Variants in CHD2 observed in about 807,000 individuals in gnomAD.
The protein encoded by CHD2 is ATP-dependent chromatin remodeler CHD2.
CHD2 carries 28 observed loss-of-function variants against 243.9 expected under a neutral mutation model. The observed-to-expected ratio is 0.11, with a 90% CI of 0.09 to 0.16. CHD2 has a LOEUF of 0.16. CHD2 is among the 10% of genes least tolerant of loss of function. The pLI, the probability that CHD2 is intolerant of heterozygous loss-of-function variation, is 1.00. For missense variants in CHD2, 1,386 were observed against 2,209.8 expected (o/e 0.63, Z 7.47); for synonymous variants, 775 against 779.0 (o/e 0.99, Z 0.09).
At chr15:92,940,852 AT>A (rs2053356154) in intron 7 of CHD2, among the ~76,000 whole-genome samples, 2 of 106,608 alleles carry the variant, frequency 1.9e-5, no homozygotes, top group South Asian at 7.3e-4. Context: ...ATATATATAA[AT>A]ATATAAATAT....
intron 7 of CHD2, 78 bp downstream of exon 7, chr15:92,939,796 G>T: frequency 6.8e-7 from 1 of 1,471,066 alleles, no homozygotes. Flanking sequence ...CATAAGTCCG[G>T]GGTTGTGCAC....
rs78905860 is a variant in CHD2 at position 93,019,135 on chromosome 15, T to C, written c.4907-877T>C. On this transcript the variant is annotated intron_variant, in intron 37 of 38. Coordinates refer to ENST00000394196, the MANE Select transcript of CHD2 (RefSeq NM_001271.4). ...AGCTCAAAGTTAGAGAAATTACTTT[T>C]TTATAGGAGGAGGTCCATTTTTGTG... Among the ~76,000 whole-genome samples the C allele has an allele frequency of 6.1e-3, 932 of 152,292 alleles. 10 individuals carry two copies. Among genetic ancestry groups the C allele is most frequent in the African/African-American group, 0.022 (895 of 41,538 alleles).
At chr15:92,941,364 A>G (rs2053380243) in intron 7 of CHD2, among the ~76,000 whole-genome samples, 1 of 152,086 alleles carries the variant, frequency 6.6e-6, no homozygotes, top group Non-Finnish European at 1.5e-5. Context: ...CTTAAATTTC[A>G]TATTCTTATT....
intron 21 of CHD2, 52 bp from the exon 22 acceptor site, chr15:92,979,083 G>T: frequency 3.8e-6 from 6 of 1,577,984 alleles, no homozygotes; most frequent in Non-Finnish European, 5.1e-6. Flanking sequence ...TCTTTTTTTG[G>T]GGGGGTTGGG....
At chr15:92,994,900 T>C (rs547678079) in intron 28 of CHD2, among the ~76,000 whole-genome samples, 3 of 152,338 alleles carry the variant, frequency 2.0e-5, no homozygotes, top group Admixed American at 2.0e-4. Context: ...CTCACACCTG[T>C]ATTTCCTGTA....
chr15:93,010,171 T>C (rs1486640319), intron 35 of CHD2, among the ~76,000 whole-genome samples: 1 of 152,268 alleles, frequency 6.6e-6, no homozygotes, highest in Non-Finnish European at 1.5e-5. Context: ...TTCCTTTTTA[T>C]GGCTGAGTAG....
chr15:92,965,024 T>C (rs950880934), intron 16 of CHD2, among the ~76,000 whole-genome samples: 4 of 152,208 alleles, frequency 2.6e-5, no homozygotes, highest in Non-Finnish European at 5.9e-5. Flanking sequence ...TTGGTCCTTA[T>C]TAAAGTAACC....
At chr15:92,999,393 C>G (rs1456375720) in intron 31 of CHD2, among the ~76,000 whole-genome samples, 1 of 152,180 alleles carries the variant, frequency 6.6e-6, no homozygotes, top group Admixed American at 6.5e-5. Flanking sequence ...GAAACTAGAC[C>G]TTACTTGCTG....
chr15:92,939,447 A>T, intron 6 of CHD2, 131 bp from the exon 7 acceptor site: 2 of 946,708 alleles, frequency 2.1e-6, no homozygotes. Context: ...AAGAATATGC[A>T]TGTTTAACAT....
At position 92,900,723 on chromosome 15, in the gene CHD2, G is replaced by T; in HGVS notation, c.-173G>T. 2.5e-6 allele frequency: 1 copy of T among 396,942 alleles called. No homozygotes were observed. The highest frequency in any genetic ancestry group is 6.3e-4 in the Middle Eastern group (1 of 1,588). 24.6% of individuals were successfully genotyped at this position (396,942 alleles called of 1,614,324 possible). A position where few individuals can be genotyped will look rare whatever the true frequency, so the allele number is the denominator to read the frequency against. The stretch of plus-strand genomic sequence containing the variant: ...TTGAGGGTTATTTTATTTATTTTTC[G>T]TTTTTTAACGGAGGATTTTGCCTTT... On this transcript the variant is annotated 5_prime_UTR_variant, in exon 1 of 39. Transcript: ENST00000394196.
rs567359354 is a variant in CHD2, at chr15:92,984,230, TATTC to T, written c.3067-98_3067-95del. On this transcript the variant is annotated intron_variant, in intron 24 of 38. Coordinates refer to ENST00000394196, the MANE Select transcript of CHD2 (RefSeq NM_001271.4). ...TTATGTAATATCACAAAAGTCCTAT[TATTC>T]ACAGTGTCTACTTAGATAAAAACAC... The T allele has an allele frequency of 1.5e-3, 1,344 of 874,296 alleles. 2 individuals are homozygous for T. Among genetic ancestry groups the T allele is most frequent in the Non-Finnish European group, 1.9e-3 (1,194 of 635,470 alleles). 54.2% of individuals were successfully genotyped at this position (874,296 alleles called of 1,614,324 possible).
rs77895180 is a variant in CHD2 at position 92,979,137 on chromosome 15, A to T, written c.2730A>T (p.Val910=). 2.8e-4 allele frequency: 455 copies of T among 1,613,864 alleles called. 1 individual carries two copies. In the African/African-American group the frequency reaches 5.4e-3, roughly 19 times the overall value. The change falls in exon 22 of 39, where the codon GTA becomes GTT. Residue 910 remains valine (V), a splice_region_variant and synonymous_variant. Coordinates refer to ENST00000394196, the MANE Select transcript of CHD2 (RefSeq NM_001271.4). ...RAHRIGQKKQ[V]NIYRLVTKGT... Reference sequence around the variant, plus strand: ...CATAACAGTTCCTTTTCCTACAGGTAAATATTTACCGCTTAGTTACAAAGG... The same window carrying T: ...CATAACAGTTCCTTTTCCTACAGGTTAATATTTACCGCTTAGTTACAAAGG...
intron 33 of CHD2, among the ~76,000 whole-genome samples, chr15:93,003,596 G>T (rs1372545836): frequency 7.0e-6 from 1 of 142,842 alleles, no homozygotes. Context: ...TTTTTTTGGC[G>T]GGGCCAGGCG....
intron 2 of CHD2, among the ~76,000 whole-genome samples, chr15:92,913,184 A>G (rs1171587228): frequency 6.6e-6 from 1 of 152,178 alleles, no homozygotes; most frequent in Non-Finnish European, 1.5e-5. Context: ...TGATTCTTGT[A>G]CTGAGGCAAG....
chr15:92,975,786 CTAGT>C (rs1263192236), intron 20 of CHD2, among the ~76,000 whole-genome samples: 2 of 151,944 alleles, frequency 1.3e-5, no homozygotes, highest in Non-Finnish European at 2.9e-5. Context: ...TGTAGAAATC[CTAGT>C]TAGACTAGTA....
intron 26 of CHD2, 145 bp downstream of exon 26, chr15:92,985,818 C>G (rs1262223598): frequency 1.6e-5 from 11 of 679,116 alleles, no homozygotes; most frequent in Non-Finnish European, 2.5e-5. Flanking sequence ...TGTCCCAGAT[C>G]TGTAGGATGA....
chr15:92,960,783 C>T (rs563574043), intron 16 of CHD2, among the ~76,000 whole-genome samples: 1 of 139,710 alleles, frequency 7.2e-6, no homozygotes, highest in East Asian at 2.2e-4. Context: ...GGCACCATCT[C>T]GGCTCACTGC....
intron 38 of CHD2, chr15:93,022,063 C>A (rs945117844): frequency 1.3e-5 from 2 of 152,206 alleles, no homozygotes. Flanking sequence ...TTGCCCACCC[C>A]CAAGGTAAAG....
Position 93,004,645 on chromosome 15 carries a change from G to A in CHD2, c.4307G>A (p.Ser1436Asn). Residue 1436 changes from serine to asparagine, a missense_variant, in exon 34 of 39, where the codon AGT becomes AAT. This residue lies in a region of CHD2 where 125 missense variants were observed against 128.9 expected (regional missense o/e 0.97). Transcript: ENST00000394196. ...KPKSGDAKSSSKSKRSQGPVH... is the reference protein window; with the variant it reads ...KPKSGDAKSSNKSKRSQGPVH... ...AAAAGTGGTGATGCCAAATCTTCGAGTAAATCAAAGCGATCTCAGGGTCCT... is the reference window on the plus strand; with the variant it reads ...AAAAGTGGTGATGCCAAATCTTCGAATAAATCAAAGCGATCTCAGGGTCCT... 6.2e-7 allele frequency: 1 copy of A among 1,612,634 alleles called. No individual in the cohort carries two copies. Among genetic ancestry groups the A allele is most frequent in the Non-Finnish European group, 8.5e-7 (1 of 1,179,146 alleles).
Sources: gnomAD v4.1 joint callset for allele counts (sites outside exome capture counted in the v4.1 genomes callset) on GRCh38, gnomAD v4.1.1 for gene constraint, gnomAD v4.1.1 regional missense constraint, MANE v1.5 for transcripts, NCBI Gene and HGNC (gene_info 2026-07-23, HGNC 2026-07-21) for gene names.